The following APBB2 variants were observed in gnomAD, a reference collection of about 807,000 sequenced individuals.
APBB2 encodes the protein Fe65-like 1.
APBB2 carries 38 observed loss-of-function variants against 82.5 expected under a neutral mutation model. The observed-to-expected ratio is 0.46, with a 90% CI of 0.36 to 0.60. The LOEUF (loss-of-function observed/expected upper bound fraction) is 0.60. Ranked by LOEUF, APBB2 falls within the 20% of genes least tolerant of loss-of-function variation. APBB2 has a pLI of 0.00. For synonymous variants in APBB2, 341 were observed against 368.2 expected (o/e 0.93, Z 0.85); for missense variants, 772 against 972.3 (o/e 0.79, Z 2.74).
At chr4:41,013,403 C>T (rs747494102) in intron 6 of APBB2, among the ~76,000 whole-genome samples, 180 bp downstream of exon 6, 1 of 152,144 alleles carries the variant, frequency 6.6e-6, no homozygotes, top group Non-Finnish European at 1.5e-5. Flanking sequence ...TGAAACTGAC[C>T]TAAAATATGG....
At chr4:41,006,325 C>T (rs1806716534) in intron 6 of APBB2, among the ~76,000 whole-genome samples, 1 of 152,212 alleles carries the variant, frequency 6.6e-6, no homozygotes, top group Admixed American at 6.5e-5. Context: ...TGAATTCTTC[C>T]TGTCGCATTA....
chr4:41,086,167 T>C (rs977899450), intron 3 of APBB2, among the ~76,000 whole-genome samples: 4 of 152,242 alleles, frequency 2.6e-5, no homozygotes, highest in African/African-American at 4.8e-5. Context: ...AGCAGAGACA[T>C]TGATTAGTAA....
intron 12 of APBB2, among the ~76,000 whole-genome samples, chr4:40,859,475 G>A (rs1335686361): frequency 1.3e-5 from 2 of 152,052 alleles, no homozygotes; most frequent in East Asian, 3.9e-4. Flanking sequence ...AAAGTGCTGG[G>A]ATTAGAGGCA....
intron 6 of APBB2, among the ~76,000 whole-genome samples, chr4:40,985,532 T>A (rs141752830): frequency 1.1e-4 from 16 of 152,272 alleles, no homozygotes; most frequent in African/African-American, 3.6e-4. Flanking sequence ...AAGACAAGTC[T>A]TTTCACGTTA....
chr4:41,065,117 T>A (rs1731254701), intron 4 of APBB2, among the ~76,000 whole-genome samples: 1 of 151,894 alleles, frequency 6.6e-6, no homozygotes, highest in South Asian at 2.1e-4. Context: ...CAAGACCCCA[T>A]CTCTACAAAA....
At chr4:40,965,691 T>C (rs950593861) in intron 6 of APBB2, among the ~76,000 whole-genome samples, 3 of 152,248 alleles carry the variant, frequency 2.0e-5, no homozygotes, top group Non-Finnish European at 4.4e-5. Context: ...GGCTATTAAA[T>C]ATTTAACATT....
At chr4:40,956,377 A>G (rs1200760269) in intron 6 of APBB2, among the ~76,000 whole-genome samples, 1 of 152,210 alleles carries the variant, frequency 6.6e-6, no homozygotes, top group Non-Finnish European at 1.5e-5. Flanking sequence ...AACACTGACT[A>G]TGGTAAGAAA....
chr4:40,846,326 CAAAAAAAAAAA>C (rs3086182), intron 12 of APBB2, among the ~76,000 whole-genome samples: 3 of 62,510 alleles, frequency 4.8e-5, no homozygotes, highest in African/African-American at 1.9e-4. Flanking sequence ...GAAAACACTC[CAAAAAAAAAAA>C]AAAAAAAAAA....
intron 3 of APBB2, among the ~76,000 whole-genome samples, chr4:41,096,545 T>A (rs1219155111): frequency 6.6e-6 from 1 of 152,222 alleles, no homozygotes; most frequent in Non-Finnish European, 1.5e-5. Context: ...ATATAAAACG[T>A]GTGTACACAC....
At chr4:40,992,547 T>A (rs758587218) in intron 6 of APBB2, among the ~76,000 whole-genome samples, 1 of 152,174 alleles carries the variant, frequency 6.6e-6, no homozygotes, top group Non-Finnish European at 1.5e-5. Flanking sequence ...ACATTTTAGA[T>A]ACGTGCTGAA....
intron 1 of APBB2, among the ~76,000 whole-genome samples, chr4:41,150,876 G>C (rs928514065): frequency 5.3e-5 from 8 of 152,138 alleles, no homozygotes; most frequent in African/African-American, 1.9e-4. Context: ...GAGTAGCTGG[G>C]ATACAGACAA....
At chr4:40,819,969 G>A (rs899794979) in intron 17 of APBB2, among the ~76,000 whole-genome samples, 10 of 152,096 alleles carry the variant, frequency 6.6e-5, no homozygotes, top group Admixed American at 5.2e-4. Context: ...GTGCCACCAC[G>A]CCCGGCTGAA....
At chr4:41,059,490 C>T (rs1053038969) in intron 4 of APBB2, among the ~76,000 whole-genome samples, 2 of 152,248 alleles carry the variant, frequency 1.3e-5, no homozygotes, top group East Asian at 1.9e-4. Context: ...ATGGCCCTAA[C>T]GCCCAAGCTG....
At chr4:41,200,621 AT>A (rs1054591154) in intron 1 of APBB2, among the ~76,000 whole-genome samples, 1 of 151,886 alleles carries the variant, frequency 6.6e-6, no homozygotes, top group Non-Finnish European at 1.5e-5. Flanking sequence ...GAAATAACTG[AT>A]TTTTTTTTCC....
chr4:40,983,168 G>C (rs1799562447), intron 6 of APBB2, among the ~76,000 whole-genome samples: 1 of 152,198 alleles, frequency 6.6e-6, no homozygotes, highest in African/African-American at 2.4e-5. Context: ...GGGAAATGAG[G>C]AACAGGGAGG....
chr4:41,063,928 C>T (rs961290566), intron 4 of APBB2, among the ~76,000 whole-genome samples: 2 of 149,810 alleles, frequency 1.3e-5, no homozygotes, highest in African/African-American at 2.5e-5. Context: ...ATCTGCCTAC[C>T]TCAGCCTCCC....
chr4:40,839,386 A>AC (rs1755065359), intron 12 of APBB2, among the ~76,000 whole-genome samples: 1 of 152,028 alleles, frequency 6.6e-6, no homozygotes. Flanking sequence ...GCAGGAACTC[A>AC]CCTGTCCTTT....
At chr4:41,126,991 A>T (rs191432026) in intron 2 of APBB2, among the ~76,000 whole-genome samples, 1 of 152,230 alleles carries the variant, frequency 6.6e-6, no homozygotes, top group African/African-American at 2.4e-5. Context: ...AATTCAGTCC[A>T]TAACACTGTT....
chr4:40,995,007 G>A (rs1803247483), intron 6 of APBB2, among the ~76,000 whole-genome samples: 1 of 151,784 alleles, frequency 6.6e-6, no homozygotes, highest in African/African-American at 2.4e-5. Context: ...GGACTCTTAG[G>A]CAATGCACTT....
Sources: gnomAD v4.1 joint callset for allele counts (sites outside exome capture counted in the v4.1 genomes callset) on GRCh38, gnomAD v4.1.1 for gene constraint, MANE v1.5 for transcripts, NCBI Gene and HGNC (gene_info 2026-07-23, HGNC 2026-07-21) for gene names.